Variants in CCDC3 observed in about 807,000 individuals in gnomAD.
The protein encoded by CCDC3 is coiled-coil domain containing 3.
A neutral mutation model predicts 21.4 loss-of-function variants in CCDC3; 24 were observed. That is an observed-to-expected ratio of 1.12 (90% CI 0.81 to 1.58). The LOEUF is 1.58. Among genes scored for constraint, CCDC3 ranks in the 40% most tolerant of loss-of-function variants. The pLI, the probability that CCDC3 is intolerant of heterozygous loss-of-function variation, is 0.00. For synonymous variants in CCDC3, 186 were observed against 166.0 expected (o/e 1.12, Z -0.93); for missense variants, 425 against 360.9 (o/e 1.18, Z -1.44).
At chr10:12,899,670 A>C (rs894008110) in intron 2 of CCDC3, among the ~76,000 whole-genome samples, 4 of 152,236 alleles carry the variant, frequency 2.6e-5, no homozygotes, top group Non-Finnish European at 2.9e-5. Flanking sequence ...AGTGGTGTTC[A>C]TATTGAAAAG....
At chr10:12,997,689 G>A (rs1835783251) in intron 2 of CCDC3, among the ~76,000 whole-genome samples, 1 of 152,140 alleles carries the variant, frequency 6.6e-6, no homozygotes, top group African/African-American at 2.4e-5. Flanking sequence ...TGCTGTCCAT[G>A]ACAATCATAC....
At chr10:12,920,594 G>A (rs1267584337) in intron 2 of CCDC3, among the ~76,000 whole-genome samples, 1 of 152,118 alleles carries the variant, frequency 6.6e-6, no homozygotes, top group Non-Finnish European at 1.5e-5. Context: ...AGTAATCGTG[G>A]TTTTTGCCAT....
intron 2 of CCDC3, among the ~76,000 whole-genome samples, chr10:12,985,102 T>C (rs976858470): frequency 3.3e-5 from 5 of 152,208 alleles, no homozygotes; most frequent in African/African-American, 9.7e-5. Flanking sequence ...TTTAAAGCTA[T>C]AGATTTTTTT....
intron 3 of CCDC3, among the ~76,000 whole-genome samples, chr10:13,087,923 G>A (rs548526066): frequency 1.8e-4 from 28 of 152,166 alleles, no homozygotes; most frequent in Non-Finnish European, 3.2e-4. Context: ...AGGACTTCAC[G>A]GATAGCATTG....
At chr10:12,957,101 C>A (rs1261440647) in intron 2 of CCDC3, among the ~76,000 whole-genome samples, 4 of 152,216 alleles carry the variant, frequency 2.6e-5, no homozygotes, top group African/African-American at 9.6e-5. Flanking sequence ...AGGGCTCTGT[C>A]TCTGAGTCTC....
At chr10:13,017,123 G>A (rs983713733) in intron 5 of CCDC3, among the ~76,000 whole-genome samples, 7 of 151,982 alleles carry the variant, frequency 4.6e-5, no homozygotes, top group African/African-American at 1.4e-4. Flanking sequence ...CTCGCTCTAC[G>A]GTCATAAGGA....
chr10:13,065,878 C>T (rs1836815247), intron 4 of CCDC3, among the ~76,000 whole-genome samples: 1 of 152,206 alleles, frequency 6.6e-6, no homozygotes, highest in African/African-American at 2.4e-5. Context: ...ACCAAGTCCA[C>T]ATCACCATGT....
At chr10:12,904,952 A>G (rs935386900) in intron 2 of CCDC3, among the ~76,000 whole-genome samples, 2 of 152,144 alleles carry the variant, frequency 1.3e-5, no homozygotes, top group African/African-American at 4.8e-5. Context: ...ATGTTTTTTT[A>G]AAAAAATATC....
chr10:12,934,082 A>C (rs1834696324), intron 2 of CCDC3, among the ~76,000 whole-genome samples: 1 of 152,222 alleles, frequency 6.6e-6, no homozygotes, highest in South Asian at 2.1e-4. Context: ...TTCATGCTAT[A>C]AAATTTTCTG....
At chr10:13,042,568 A>C (rs3120108) in intron 5 of CCDC3, among the ~76,000 whole-genome samples, 119,920 of 152,152 alleles carry the variant, frequency 0.79, 48,613 homozygotes, top group Non-Finnish European at 0.88. Context: ...GATGCAGAGA[A>C]CTTCAACTTC....
intron 2 of CCDC3, among the ~76,000 whole-genome samples, chr10:12,968,202 T>TACACACACACAC (rs71386134): frequency 0.04 from 5,732 of 143,398 alleles, 118 homozygotes; most frequent in Non-Finnish European, 0.048. Flanking sequence ...CACACACACA[T>TACACACACACAC]ACACACACAC....
intron 5 of CCDC3, among the ~76,000 whole-genome samples, chr10:13,007,008 A>G (rs1321897447): frequency 1.3e-5 from 2 of 152,038 alleles, no homozygotes; most frequent in Non-Finnish European, 2.9e-5. Flanking sequence ...GCCCCTCCCG[A>G]CCTTTACGGT....
intron 5 of CCDC3, among the ~76,000 whole-genome samples, chr10:13,013,434 A>AAT (rs1223028322): frequency 2.6e-5 from 4 of 152,274 alleles, no homozygotes; most frequent in Non-Finnish European, 5.9e-5. Context: ...AATGAATTAT[A>AAT]ACCCATAGAA....
chr10:13,079,482 C>T (rs1837006766), intron 3 of CCDC3, among the ~76,000 whole-genome samples: 1 of 151,916 alleles, frequency 6.6e-6, no homozygotes, highest in African/African-American at 2.4e-5. Flanking sequence ...TAAAGCGGGG[C>T]CATAAAGCAT....
intron 5 of CCDC3, among the ~76,000 whole-genome samples, chr10:13,014,556 G>A (rs1205030172): frequency 1.3e-5 from 2 of 151,852 alleles, no homozygotes; most frequent in Admixed American, 1.3e-4. Context: ...TGCTCTAAGT[G>A]ACTTCATTGA....
chr10:12,968,096 A>G (rs11597592), intron 2 of CCDC3, among the ~76,000 whole-genome samples: 12,066 of 151,716 alleles, frequency 0.08, 663 homozygotes, highest in African/African-American at 0.16. Flanking sequence ...TTGAAGCTGG[A>G]AGGCAGAGTT....
chr10:12,981,466 G>A (rs1209784542), intron 2 of CCDC3, among the ~76,000 whole-genome samples: 3 of 152,066 alleles, frequency 2.0e-5, no homozygotes, highest in Non-Finnish European at 4.4e-5. Flanking sequence ...GTTTACAGGC[G>A]TGAGCCACCG....
intron 3 of CCDC3, among the ~76,000 whole-genome samples, chr10:13,082,771 C>G: frequency 9.3e-6 from 1 of 106,990 alleles, no homozygotes; most frequent in East Asian, 2.8e-4. Flanking sequence ...CTGGTCACTT[C>G]TCACTGTGCC....
chr10:12,922,087 C>G (rs191029778), intron 2 of CCDC3, among the ~76,000 whole-genome samples: 3 of 152,340 alleles, frequency 2.0e-5, no homozygotes, highest in African/African-American at 7.2e-5. Context: ...TCACGTTATA[C>G]AAACATTACC....
Sources: allele counts gnomAD v4.1 joint callset (sites outside exome capture counted in the v4.1 genomes callset), GRCh38; gene constraint gnomAD v4.1.1; transcripts MANE v1.5; gene names NCBI Gene and HGNC (gene_info 2026-07-23, HGNC 2026-07-21).